Variants in COL15A1 observed in about 807,000 individuals in gnomAD.
COL15A1 encodes collagen alpha-1(XV) chain.
A neutral mutation model predicts 165.9 loss-of-function variants in COL15A1; 111 were observed. That is an observed-to-expected ratio of 0.67 (90% CI 0.57 to 0.78). The LOEUF (loss-of-function observed/expected upper bound fraction) is 0.78. Ranked by LOEUF, COL15A1 falls within the 30% of genes least tolerant of loss-of-function variation. The pLI, the probability that COL15A1 is intolerant of heterozygous loss-of-function variation, is 0.00. For missense variants in COL15A1, 1,745 were observed against 1,789.7 expected, an observed-to-expected ratio of 0.98 and a Z score of 0.45; for synonymous variants, 659 against 674.8, an observed-to-expected ratio of 0.98 and a Z score of 0.36.
rs779341815 is a variant in COL15A1 at position 99,025,019 on chromosome 9, TC to T, written c.1980+24del. The stretch of plus-strand genomic sequence containing the variant: ...CCCCCGGTGAGCAACTGAAGTCTTC[TC>T]CCCATCTCTGTGGCTGTGGGGCTTC... On this transcript the variant is annotated intron_variant, in intron 15 of 41. Coordinates refer to ENST00000375001, the MANE Select transcript of COL15A1 (RefSeq NM_001855.5). 4.0e-5 allele frequency: 65 copies of T among 1,607,806 alleles called. No individual in the cohort carries two copies. Among genetic ancestry groups the T allele is most frequent in the Non-Finnish European group, 5.4e-5 (64 of 1,176,898 alleles).
Position 99,035,391 on chromosome 9 carries a change from C to T in COL15A1, c.2262C>T (p.Pro754=). 3.1e-6 allele frequency: 5 copies of T among 1,614,150 alleles called. No homozygotes were observed. Among genetic ancestry groups the T allele is most frequent in the Non-Finnish European group, 3.4e-6 (4 of 1,180,022 alleles). Residue 754 remains proline, a synonymous_variant, in exon 19 of 42, where the codon CCC becomes CCT. Transcript: ENST00000375001. ...GSGSTQLLNE[P]KLSRPTAAIG... ...GAAGCACCCAGCTATTGAATGAACC[C>T]AAACTCTCCAGACCAACGGCTGCAA...
Position 98,943,994 on chromosome 9 carries a change from TC to T in COL15A1, c.-66del. Reference sequence around the variant, plus strand: ...GCGGCCAGCGCTCAGCGACCCTTCGTCCTCCGCTAAGCTCCAACGCTCTGCT... The same window carrying T: ...GCGGCCAGCGCTCAGCGACCCTTCGTCTCCGCTAAGCTCCAACGCTCTGCT... On this transcript the variant is annotated 5_prime_UTR_variant, in exon 1 of 42. Coordinates refer to ENST00000375001, the MANE Select transcript of COL15A1 (RefSeq NM_001855.5). The T allele has an allele frequency of 6.2e-7, 1 of 1,600,670 alleles. No homozygotes were observed.
chr9:98,997,161 C>T, intron 6 of COL15A1, 80 bp downstream of exon 6: 1 of 1,525,258 alleles, frequency 6.6e-7, no homozygotes, highest in Non-Finnish European at 9.0e-7. Context: ...ATGTATGTAA[C>T]ATACAGAATC....
chr9:99,025,771 C>A, intron 15 of COL15A1, 133 bp from the exon 16 acceptor site: 1 of 867,206 alleles, frequency 1.2e-6, no homozygotes, highest in Non-Finnish European at 1.9e-6. Context: ...TAGGTTCCTG[C>A]CTTGCACCTG....
At chr9:99,024,799 G>A (rs1233880313) in intron 14 of COL15A1, 75 bp from the exon 15 acceptor site, 4 of 1,501,978 alleles carry the variant, frequency 2.7e-6, no homozygotes, top group Non-Finnish European at 2.7e-6. Context: ...GAATTTGAGA[G>A]ATTGCATGAA....
At chr9:99,018,347 A>AC (rs1838971575) in intron 11 of COL15A1, among the ~76,000 whole-genome samples, 2 of 151,968 alleles carry the variant, frequency 1.3e-5, no homozygotes, top group African/African-American at 4.8e-5. Context: ...TCTTCCTTAG[A>AC]CCCTTGATGT....
chr9:99,008,418 G>A lies in COL15A1; in HGVS notation c.1353+3368G>A, dbSNP rs1240047869. Among the ~76,000 whole-genome samples the A allele has an allele frequency of 3.9e-5, 6 of 152,258 alleles. No homozygotes were observed. The East Asian group carries it at 9.6e-4, about 24-fold the overall frequency. Reference sequence around the variant, plus strand: ...TCCTTAAAGGAGTCTGTATCTGATAGCATGCCATTCCAGTCAAAACCATGG... The same window carrying A: ...TCCTTAAAGGAGTCTGTATCTGATAACATGCCATTCCAGTCAAAACCATGG... On this transcript the variant is annotated intron_variant, in intron 9 of 41. Transcript: ENST00000375001.
chr9:98,981,508 A>G (rs1446849401), intron 2 of COL15A1, among the ~76,000 whole-genome samples: 1 of 152,234 alleles, frequency 6.6e-6, no homozygotes, highest in Non-Finnish European at 1.5e-5. Flanking sequence ...ATCAACAGGG[A>G]TAAATCTAAA....
chr9:99,050,678 G>A (rs570803068), intron 30 of COL15A1, among the ~76,000 whole-genome samples: 12 of 152,346 alleles, frequency 7.9e-5, no homozygotes, highest in Admixed American at 2.6e-4. Flanking sequence ...CACTTATGCA[G>A]TGCTAAGGAC....
chr9:98,955,703 A>T (rs890073971), intron 2 of COL15A1, among the ~76,000 whole-genome samples: 1 of 152,262 alleles, frequency 6.6e-6, no homozygotes, highest in Non-Finnish European at 1.5e-5. Flanking sequence ...TTTTTCTGGC[A>T]TAGGAAAGTT....
Position 99,055,368 on chromosome 9 carries a change from C to T in COL15A1, c.3188C>T (p.Pro1063Leu), listed in dbSNP as rs116390401. Reference protein sequence around the residue: ...GPPGLPGNPGPAGQKGETVVG... With the variant: ...GPPGLPGNPGLAGQKGETVVG... ...CCAGGCCTGCCCGGAAATCCAGGCC[C>T]GGCTGTGAGTAGAGACCCCTCCAAG... Residue 1063 changes from proline to leucine, a missense_variant, in exon 34 of 42, where the codon CCG (proline) becomes CTG (leucine). Coordinates refer to ENST00000375001, the MANE Select transcript of COL15A1 (RefSeq NM_001855.5). 2,191 of 1,602,202 alleles carry T rather than the reference C, an allele frequency of 1.4e-3. 27 individuals carry two copies. The African/African-American group carries it at 0.026, about 19-fold the overall frequency.
At chr9:98,950,644 A>T (rs915640803) in intron 2 of COL15A1, among the ~76,000 whole-genome samples, 4 of 133,750 alleles carry the variant, frequency 3.0e-5, no homozygotes, top group African/African-American at 1.2e-4. Flanking sequence ...ACAGAGTCTC[A>T]CTCTGTCACC....
chr9:99,039,526 A>G (rs1839363962), intron 22 of COL15A1, among the ~76,000 whole-genome samples: 1 of 152,226 alleles, frequency 6.6e-6, no homozygotes, highest in South Asian at 2.1e-4. Flanking sequence ...ACAAACAAAA[A>G]AAACCAAAAT....
chr9:98,950,989 A>G (rs1837679156), intron 2 of COL15A1, among the ~76,000 whole-genome samples: 1 of 152,136 alleles, frequency 6.6e-6, no homozygotes, highest in African/African-American at 2.4e-5. Flanking sequence ...ATCCTGATTT[A>G]ATGGGAAGCA....
At chr9:98,997,938 C>A (rs1196731045) in intron 6 of COL15A1, 1 of 152,174 alleles carries the variant, frequency 6.6e-6, no homozygotes, top group East Asian at 1.9e-4. Context: ...CCCAAACTGC[C>A]CACAGTAGGG....
At chr9:99,009,006 T>G (rs148662411) in intron 9 of COL15A1, among the ~76,000 whole-genome samples, 185 of 152,328 alleles carry the variant, frequency 1.2e-3, no homozygotes, top group African/African-American at 4.3e-3. Context: ...AAGCAAAAAG[T>G]TATAAAAGGA....
rs776785169 is a variant in COL15A1 at position 99,069,937 on chromosome 9, G to A, written c.*51G>A. 7.2e-7 allele frequency: 1 copy of A among 1,392,280 alleles called. No homozygotes were observed. Among genetic ancestry groups the A allele is most frequent in the East Asian group, 2.3e-5 (1 of 42,606 alleles). 86.2% of individuals were successfully genotyped at this position (1,392,280 alleles called of 1,614,324 possible). A position where few individuals can be genotyped will look rare whatever the true frequency, so the allele number is the denominator to read the frequency against. Reference sequence around the variant, plus strand: ...TTTTCAATTTTTTCTTATGTGAAGAGTTGACACTGAAATCTAAAATGTTTA... The same window carrying A: ...TTTTCAATTTTTTCTTATGTGAAGAATTGACACTGAAATCTAAAATGTTTA... On this transcript the variant is annotated 3_prime_UTR_variant, in exon 42 of 42. Coordinates refer to ENST00000375001, the MANE Select transcript of COL15A1 (RefSeq NM_001855.5).
At chr9:99,002,475 A>G (rs1313616810) in intron 7 of COL15A1, among the ~76,000 whole-genome samples, 1 of 152,156 alleles carries the variant, frequency 6.6e-6, no homozygotes, top group East Asian at 1.9e-4. Context: ...CTCAACCCCA[A>G]AATGAGTCCT....
In COL15A1 at chr9:99,042,061, A is replaced by G; in HGVS notation, c.2528A>G (p.Lys843Arg). The change falls in exon 24 of 42, where the codon AAA (lysine) becomes AGA (arginine). Residue 843 changes from lysine to arginine, a missense_variant. Lys to Arg is a conservative substitution (Grantham distance 26, BLOSUM62 2). Coordinates refer to ENST00000375001, the MANE Select transcript of COL15A1 (RefSeq NM_001855.5). ...TCCTTCCAGGGTCCTAGAGGACCAA[A>G]AGGTGACACTGGTTTACCTGGCTTT... is the stretch of plus-strand genomic sequence containing the variant. ...LPGFPGPRGP[K>R]GDTGLPGFPG... The G allele has an allele frequency of 6.2e-7, 1 of 1,611,808 alleles. No individual in the cohort carries two copies. The highest frequency in any genetic ancestry group is 8.5e-7 in the Non-Finnish European group (1 of 1,178,506).
Sources: allele counts gnomAD v4.1 joint callset (sites outside exome capture counted in the v4.1 genomes callset), GRCh38; gene constraint gnomAD v4.1.1; transcripts MANE v1.5; gene names NCBI Gene and HGNC (gene_info 2026-07-23, HGNC 2026-07-21).